The following GLRA2 variants were observed in gnomAD, a reference collection of about 807,000 sequenced individuals.
GLRA2 encodes the protein glycine receptor alpha 2.
Under a neutral mutation model 31.6 loss-of-function variants are expected in GLRA2, and 11 were observed. That is an observed-to-expected ratio of 0.35 (90% confidence interval 0.22 to 0.58). The LOEUF is 0.58. Ranked by LOEUF, GLRA2 falls within the 20% of genes least tolerant of loss-of-function variation. The pLI is 0.84. For synonymous variants in GLRA2, 132 were observed against 134.0 expected (o/e 0.99, Z 0.10); for missense variants, 212 against 351.8 (o/e 0.60, Z 3.18).
chrX:14,514,379 T>TC, the GLRA2 span, among the ~76,000 whole-genome samples: 222 of 108,038 alleles, frequency 2.1e-3, no homozygotes, highest in African/African-American at 7.1e-3. Context: ...CACCTCCTGT[T>TC]CCCCAAAAAA....
At chrX:14,595,902 A>G (rs192537177) in intron 4 of GLRA2, among the ~76,000 whole-genome samples, 36 of 112,257 alleles carry the variant, frequency 3.2e-4, no homozygotes, top group African/African-American at 9.4e-4. Flanking sequence ...TTAAGTTGTG[A>G]TCTCCTTCAA....
rs1036640952 is a variant in GLRA2 at position 14,600,319 on chromosome X, C to T, written c.495-3996C>T. Among the ~76,000 whole-genome samples, 2 of 111,093 alleles carry T rather than the reference C, an allele frequency of 1.8e-5. 1 individual carries two copies. The highest frequency in any genetic ancestry group is 7.6e-4 in the South Asian group (2 of 2,627). On this transcript the variant is annotated intron_variant, in intron 4 of 8. Coordinates refer to ENST00000218075, the MANE Select transcript of GLRA2 (RefSeq NM_002063.4). ...AGGAATATTAAAGTTGGGTTGTTTCCAGTAACAAACCAATATATAGTTGAA... is the reference window on the plus strand; with the variant it reads ...AGGAATATTAAAGTTGGGTTGTTTCTAGTAACAAACCAATATATAGTTGAA...
intron 2 of GLRA2, among the ~76,000 whole-genome samples, chrX:14,534,736 T>C (rs1485694476): frequency 9.1e-6 from 1 of 110,364 alleles, no homozygotes; most frequent in Non-Finnish European, 1.9e-5. Flanking sequence ...AAAAGGTAGA[T>C]CAATTAATGA....
intron 7 of GLRA2, among the ~76,000 whole-genome samples, chrX:14,676,759 C>A (rs2091149242): frequency 8.9e-6 from 1 of 111,974 alleles, no homozygotes; most frequent in African/African-American, 3.2e-5. Context: ...ACAGACAAAA[C>A]AAATTGTGGG....
the GLRA2 span, among the ~76,000 whole-genome samples, chrX:14,519,802 A>G: frequency 8.9e-6 from 1 of 111,897 alleles, no homozygotes; most frequent in African/African-American, 3.2e-5. Flanking sequence ...TTAAGTCCCT[A>G]CAAAGAAGAA....
chrX:14,463,878 C>G, the GLRA2 span, among the ~76,000 whole-genome samples: 2 of 111,787 alleles, frequency 1.8e-5, no homozygotes, highest in Non-Finnish European at 3.8e-5. Context: ...GGGCTGCACA[C>G]ACTGTCCAAC....
chrX:14,580,048 G>A (rs777196416), intron 3 of GLRA2, among the ~76,000 whole-genome samples: 12 of 111,708 alleles, frequency 1.1e-4, no homozygotes, highest in Non-Finnish European at 1.7e-4. Context: ...CCAGAGTAGA[G>A]TGACTCCCAG....
chrX:14,676,667 G>C (rs776061716), intron 7 of GLRA2, among the ~76,000 whole-genome samples: 1 of 111,888 alleles, frequency 8.9e-6, no homozygotes, highest in East Asian at 2.8e-4. Context: ...CTTCTGTCCT[G>C]GGGATAAACA....
At chrX:14,644,566 CAAAAT>C (rs750000095) in intron 7 of GLRA2, among the ~76,000 whole-genome samples, 5 of 111,899 alleles carry the variant, frequency 4.5e-5, no homozygotes, top group South Asian at 3.7e-4. Context: ...GCCAAAATCT[CAAAAT>C]AAAAAGCCCA....
chrX:14,478,215 C>T, the GLRA2 span, among the ~76,000 whole-genome samples: 1 of 110,673 alleles, frequency 9.0e-6, no homozygotes, highest in Admixed American at 9.6e-5. Context: ...TAATCCATTC[C>T]CAAGGCCTTT....
intron 7 of GLRA2, among the ~76,000 whole-genome samples, chrX:14,615,974 A>G (rs189620467): frequency 7.1e-4 from 79 of 111,157 alleles, no homozygotes; most frequent in Non-Finnish European, 1.2e-3. Context: ...TTGAAGCTAT[A>G]AAATTGGTTT....
At chrX:14,537,006 C>T (rs2089333834) in intron 2 of GLRA2, among the ~76,000 whole-genome samples, 1 of 111,174 alleles carries the variant, frequency 9.0e-6, no homozygotes, top group Non-Finnish European at 1.9e-5. Flanking sequence ...ACAGTTGACA[C>T]TCCCATTAGG....
chrX:14,603,951 T>C, intron 4 of GLRA2, among the ~76,000 whole-genome samples: 1 of 111,299 alleles, frequency 9.0e-6, no homozygotes, highest in East Asian at 2.8e-4. Context: ...GTATAAACTT[T>C]ATATCTTTTG....
Position 14,730,557 on chromosome X carries a change from A to AT in GLRA2, c.*73dup. 1 of 381,289 alleles carries AT rather than the reference A, an allele frequency of 2.6e-6. No individual in the cohort carries two copies. Among genetic ancestry groups the AT allele is most frequent in the South Asian group, 4.0e-5 (1 of 24,737 alleles). The allele number at this position is 381,289 out of a possible 1,213,427, so 31.4% of individuals were successfully genotyped here. On this transcript the variant is annotated 3_prime_UTR_variant, in exon 9 of 9. Coordinates refer to ENST00000218075, the MANE Select transcript of GLRA2 (RefSeq NM_002063.4). The stretch of plus-strand genomic sequence containing the variant: ...GTAAATACACAGTGAAATTGTCTTT[A>AT]TATCACTTTGACAGAGGAGAAGATT...
chrX:14,610,672 C>T (rs2090387170), intron 7 of GLRA2, among the ~76,000 whole-genome samples: 1 of 111,918 alleles, frequency 8.9e-6, no homozygotes, highest in African/African-American at 3.2e-5. Context: ...TCAGGATGTA[C>T]AAACATATAT....
intron 7 of GLRA2, among the ~76,000 whole-genome samples, chrX:14,688,389 G>A (rs1232326477): frequency 1.8e-5 from 2 of 111,608 alleles, no homozygotes; most frequent in Non-Finnish European, 3.8e-5. Context: ...GCTATGCCCT[G>A]CCCCGAGAGG....
chrX:14,683,360 T>C (rs1272261833), intron 7 of GLRA2, among the ~76,000 whole-genome samples: 2 of 112,123 alleles, frequency 1.8e-5, no homozygotes, highest in Admixed American at 9.4e-5. Context: ...TTTTGAGAAG[T>C]GTCTGTTCAT....
chrX:14,619,339 C>T (rs1280518830), intron 7 of GLRA2, among the ~76,000 whole-genome samples: 1 of 111,208 alleles, frequency 9.0e-6, no homozygotes, highest in African/African-American at 3.3e-5. Flanking sequence ...CTTCCCATAG[C>T]TCCCCATCCC....
At chrX:14,691,684 T>C (rs1463835622) in intron 8 of GLRA2, among the ~76,000 whole-genome samples, 1 of 111,846 alleles carries the variant, frequency 8.9e-6, no homozygotes, top group East Asian at 2.8e-4. Context: ...CAGGCAATTC[T>C]GGTGTGCAGA....
Sources: gnomAD v4.1 joint callset for allele counts (sites outside exome capture counted in the v4.1 genomes callset) on GRCh38, gnomAD v4.1.1 for gene constraint, MANE v1.5 for transcripts, NCBI Gene and HGNC (gene_info 2026-07-23, HGNC 2026-07-21) for gene names.